The following DDX5 variants were observed in gnomAD, a reference collection of about 807,000 sequenced individuals.
DDX5 encodes the protein DEAD-box helicase 5, also known as probable ATP-dependent RNA helicase DDX5.
A neutral mutation model predicts 68.6 loss-of-function variants in DDX5; 6 were observed. The observed-to-expected ratio is 0.09, with a 90% CI of 0.05 to 0.17. The LOEUF (loss-of-function observed/expected upper bound fraction) is 0.17, where lower values mean the gene tolerates loss of function less well. DDX5 is among the 10% of genes least tolerant of loss of function. DDX5 has a pLI of 1.00. For missense variants in DDX5, 499 were observed against 756.1 expected, an observed-to-expected ratio of 0.66 and a Z score of 3.99; for synonymous variants, 350 against 247.0, an observed-to-expected ratio of 1.42 and a Z score of -3.91.
chr17:64,506,220 C>A lies in DDX5; in HGVS notation c.-101G>T. ...TGACGGCGAAGCCTTGCGGGGGCGG[C>A]AGCGGAGGAAGGACACCGATGACAC... On this transcript the variant is annotated 5_prime_UTR_variant, in exon 1 of 13. Transcript: ENST00000225792. 1 of 1,557,954 alleles carries A rather than the reference C, an allele frequency of 6.4e-7. No homozygotes were observed. The highest frequency in any genetic ancestry group is 8.7e-7 in the Non-Finnish European group (1 of 1,151,106).
At chr17:64,506,587 A>G (rs1265577671), upstream of DDX5, 2 of 354,260 alleles carry the variant, frequency 5.6e-6, no homozygotes, top group Non-Finnish European at 1.0e-5. Context: ...CACCCTCGCC[A>G]CTCGGAGATG....
Position 64,504,211 on chromosome 17 carries a change from G to C in DDX5, c.307+11C>G, listed in dbSNP as rs782345724. 6.2e-7 allele frequency: 1 copy of C among 1,613,628 alleles called. No homozygotes were observed. The highest frequency in any genetic ancestry group is 2.2e-5 in the East Asian group (1 of 44,890). On this transcript the variant is annotated intron_variant, in intron 3 of 12. Transcript: ENST00000225792. ...AAACACGGGTAGGTAGAACTGAAAA[G>C]TAGCACTTACCAGGGAAATTGGCTT... is the stretch of plus-strand genomic sequence containing the variant.
Position 64,503,583 on chromosome 17 carries a change from G to GAA in DDX5, c.508-14_508-13dup, listed in dbSNP as rs781808109. The stretch of plus-strand genomic sequence containing the variant: ...GCCAGCACCAAACACTAAGGAAAGA[G>GAA]AAACAGCTTTCAGCACAAACCTGGA... On this transcript the variant is annotated splice_polypyrimidine_tract_variant and intron_variant, in intron 5 of 12. Transcript: ENST00000225792. The GAA allele has an allele frequency of 8.7e-6, 14 of 1,612,676 alleles. No individual in the cohort carries two copies. Among genetic ancestry groups the GAA allele is most frequent in the Non-Finnish European group, 1.2e-5 (14 of 1,179,576 alleles).
upstream of DDX5, chr17:64,506,300 T>G: frequency 1.3e-6 from 2 of 1,516,790 alleles, no homozygotes; most frequent in Non-Finnish European, 8.8e-7. Flanking sequence ...GCCGGCCGCT[T>G]TCCGGCAGCC....
intron 1 of DDX5, chr17:64,505,667 G>C (rs1488801027): frequency 4.2e-6 from 6 of 1,428,314 alleles, no homozygotes; most frequent in Admixed American, 2.0e-5. Context: ...TACCCCAACA[G>C]CACCAGGGCT....
At position 64,504,122 on chromosome 17, in the gene DDX5, A is replaced by G; in HGVS notation, c.308-6T>C. The G allele has an allele frequency of 1.2e-6, 2 of 1,614,088 alleles. No homozygotes were observed. The highest frequency in any genetic ancestry group is 1.7e-6 in the Non-Finnish European group (2 of 1,179,924). The stretch of plus-strand genomic sequence containing the variant: ...AATAACATCCATGACATTTGCTATA[A>G]TTAGTAACAGATATTTAGTAAAAAT... On this transcript the variant is annotated splice_region_variant and splice_polypyrimidine_tract_variant and intron_variant, in intron 3 of 12. Coordinates refer to ENST00000225792, the MANE Select transcript of DDX5 (RefSeq NM_004396.5).
chr17:64,505,942 G>C, intron 1 of DDX5, 134 bp downstream of exon 1: 10 of 1,535,688 alleles, frequency 6.5e-6, no homozygotes, highest in Non-Finnish European at 8.7e-6. Flanking sequence ...AATGGCGCAA[G>C]CCTTCGGGAA....
chr17:64,506,530 C>T (rs2038535446), upstream of DDX5: 3 of 642,540 alleles, frequency 4.7e-6, no homozygotes, highest in Admixed American at 7.3e-5. Context: ...CTGGTCTTTC[C>T]ACACCTCAAG....
At chr17:64,506,020 A>AGC in intron 1 of DDX5, 56 bp downstream of exon 1, 109 of 868,006 alleles carry the variant, frequency 1.3e-4, no homozygotes, top group South Asian at 5.7e-4. Context: ...CGCCACCCTG[A>AGC]CCCGCCCTCC....
rs187153242 is a variant in DDX5 at position 64,502,607 on chromosome 17, C to G, written c.984-58G>C. 4.8e-3 allele frequency: 5,977 copies of G among 1,253,458 alleles called. 44 individuals carry two copies. Among genetic ancestry groups the G allele is most frequent in the South Asian group, 0.014 (1,167 of 80,998 alleles). The allele number at this position is 1,253,458 out of a possible 1,614,324, so 77.6% of individuals were successfully genotyped here. A position where few individuals can be genotyped will look rare whatever the true frequency, so the allele number is the denominator to read the frequency against. On this transcript the variant is annotated intron_variant, in intron 8 of 12. Coordinates refer to ENST00000225792, the MANE Select transcript of DDX5 (RefSeq NM_004396.5). The stretch of plus-strand genomic sequence containing the variant: ...AGTTTTAAAAGACCATTGCTAGGGC[C>G]ACACATTTATGGTCAGCAAAACATT...
At chr17:64,506,850 G>C (rs2038557550), upstream of DDX5, 3 of 608,932 alleles carry the variant, frequency 4.9e-6, no homozygotes, top group Admixed American at 8.1e-5. Context: ...ACGGGTTTTG[G>C]TCGGCGGAGA....
rs1320531822 is a variant in DDX5 at position 64,498,420 on chromosome 17, A to G, written c.*1503T>C. Among the ~76,000 whole-genome samples, 2 of 152,226 alleles carry G rather than the reference A, an allele frequency of 1.3e-5. No homozygotes were observed. Among genetic ancestry groups the G allele is most frequent in the East Asian group, 1.9e-4 (1 of 5,202 alleles). ...AAATTAAAAGGCCCACGGTTAAGAC[A>G]TTAAACAGTAAAATATGTAATAAAT... is the stretch of plus-strand genomic sequence containing the variant. On this transcript the variant is annotated 3_prime_UTR_variant, in exon 13 of 13. Coordinates refer to ENST00000225792, the MANE Select transcript of DDX5 (RefSeq NM_004396.5).
Position 64,502,231 on chromosome 17 carries a change from A to T in DDX5, c.1095-8T>A, listed in dbSNP as rs2038313923. ...ATACCCATGGCAGGCCACCTAAGTT[A>T]AAAGACAAGTTGTGTTATTAAACTC... On this transcript the variant is annotated splice_polypyrimidine_tract_variant and splice_region_variant and intron_variant, in intron 9 of 12. Transcript: ENST00000225792. The T allele has an allele frequency of 6.2e-7, 1 of 1,613,690 alleles. No homozygotes were observed. Among genetic ancestry groups the T allele is most frequent in the South Asian group, 1.1e-5 (1 of 91,072 alleles).
At chr17:64,504,575 ACT>A (rs781859131) in intron 2 of DDX5, 100 bp downstream of exon 2, 202 of 1,375,726 alleles carry the variant, frequency 1.5e-4, no homozygotes, top group Non-Finnish European at 1.9e-4. Context: ...AGAACATGTA[ACT>A]CTACCAAAAT....
intron 1 of DDX5, 171 bp downstream of exon 1, chr17:64,505,905 T>C: frequency 6.5e-7 from 1 of 1,534,932 alleles, no homozygotes. Context: ...GTCAAATCTC[T>C]TCCAATCACT....
chr17:64,499,940 T>C lies in DDX5; in HGVS notation c.1828A>G (p.Thr610Ala). 6.2e-7 allele frequency: 1 copy of C among 1,604,648 alleles called. No individual in the cohort carries two copies. Among genetic ancestry groups the C allele is most frequent in the Non-Finnish European group, 8.5e-7 (1 of 1,174,478 alleles). Residue 610 changes from threonine (T) to alanine (A), a missense_variant, in exon 13 of 13, where the codon ACA becomes GCA. Coordinates refer to ENST00000225792, the MANE Select transcript of DDX5 (RefSeq NM_004396.5). Reference protein sequence around the residue: ...AAPMIGYPMPTGYSQ With the variant: ...AAPMIGYPMPAGYSQ ...CTAAAGTCTTATTGGGAATATCCTG[T>C]TGGCATTGGATAACCAATCATAGGT...
At position 64,502,599 on chromosome 17, in the gene DDX5, G is replaced by A. The variant is rs371960655; in HGVS notation, c.984-50C>T. ...AAATCCTGAGTTTTAAAAGACCATTGCTAGGGCCACACATTTATGGTCAGC... is the reference window on the plus strand; with the variant it reads ...AAATCCTGAGTTTTAAAAGACCATTACTAGGGCCACACATTTATGGTCAGC... On this transcript the variant is annotated intron_variant, in intron 8 of 12. Transcript: ENST00000225792. 100 of 1,316,378 alleles carry A rather than the reference G, an allele frequency of 7.6e-5. No individual in the cohort carries two copies. The African/African-American group carries it at 1.4e-3, about 18-fold the overall frequency. 81.5% of individuals were successfully genotyped at this position (1,316,378 alleles called of 1,614,324 possible).
At chr17:64,500,491 G>C (rs1023615846) in intron 12 of DDX5, 58 bp downstream of exon 12, 209 of 1,558,338 alleles carry the variant, frequency 1.3e-4, no homozygotes, top group Non-Finnish European at 5.4e-5. Flanking sequence ...CATTTAAATG[G>C]ATTTGTAGAC....
Position 64,506,206 on chromosome 17 carries a change from C to G in DDX5, c.-87G>C. 6.4e-7 allele frequency: 1 copy of G among 1,566,962 alleles called. No individual in the cohort carries two copies. Among genetic ancestry groups the G allele is most frequent in the Admixed American group, 1.9e-5 (1 of 52,316 alleles). On this transcript the variant is annotated 5_prime_UTR_variant, in exon 1 of 13. Transcript: ENST00000225792. The stretch of plus-strand genomic sequence containing the variant: ...GGAAATGGCCTCGATGACGGCGAAG[C>G]CTTGCGGGGGCGGCAGCGGAGGAAG...
Sources: gnomAD v4.1 joint callset for allele counts (sites outside exome capture counted in the v4.1 genomes callset) on GRCh38, gnomAD v4.1.1 for gene constraint, MANE v1.5 for transcripts, NCBI Gene and HGNC (gene_info 2026-07-23, HGNC 2026-07-21) for gene names.